The following KCNT2 variants were observed in gnomAD, a reference collection of about 807,000 sequenced individuals.
The protein encoded by KCNT2 is potassium sodium-activated channel subfamily T member 2.
KCNT2 carries 67 observed loss-of-function variants against 153.8 expected under a neutral mutation model. The ratio of observed to expected loss-of-function variants is 0.44; its 90% CI spans 0.36 to 0.53. The LOEUF (loss-of-function observed/expected upper bound fraction) is 0.53. KCNT2 is among the 20% of genes least tolerant of loss of function. The pLI, the probability that KCNT2 is intolerant of heterozygous loss-of-function variation, is 0.00. For missense variants in KCNT2, 975 were observed against 1,354.8 expected, an observed-to-expected ratio of 0.72 and a Z score of 4.40; for synonymous variants, 500 against 458.8, an observed-to-expected ratio of 1.09 and a Z score of -1.15.
intron 14 of KCNT2, among the ~76,000 whole-genome samples, chr1:196,358,083 TTTCTCTAACCTCTCTTGGTGGAGC>T (rs1189958896): frequency 2.0e-5 from 3 of 151,696 alleles, no homozygotes; most frequent in Non-Finnish European, 4.4e-5. Flanking sequence ...TAACTATCAT[TTTCTCTAACCTCTCTTGGTGGAGC>T]TGCTACCAAA....
In KCNT2 at chr1:196,413,912, C is replaced by A. The variant is rs532282674; in HGVS notation, c.1185+9138G>T. On this transcript the variant is annotated intron_variant, in intron 12 of 27. Transcript: ENST00000294725. ...TCCAATCAGAAAAATATACACAGAC[C>A]AATTCTAGGATTGTCAGTGTTTGCC... 3.3e-5 allele frequency among the ~76,000 whole-genome samples: 5 copies of A among 151,466 alleles called. No homozygotes were observed. The East Asian group carries it at 9.7e-4, about 29-fold the overall frequency.
At chr1:196,382,408 G>T (rs546531312) in intron 13 of KCNT2, among the ~76,000 whole-genome samples, 1 of 151,930 alleles carries the variant, frequency 6.6e-6, no homozygotes, top group Non-Finnish European at 1.5e-5. Context: ...CGCCCGGCCT[G>T]TTTAACCAAA....
chr1:196,503,282 G>T (rs559519564), intron 1 of KCNT2, among the ~76,000 whole-genome samples: 1 of 151,722 alleles, frequency 6.6e-6, no homozygotes, highest in African/African-American at 2.4e-5. Context: ...ATATAATTAC[G>T]TACCTAAGTA....
At chr1:196,428,413 AC>A in intron 9 of KCNT2, 144 bp from the exon 10 acceptor site, 1 of 625,260 alleles carries the variant, frequency 1.6e-6, no homozygotes, top group South Asian at 2.1e-5. Flanking sequence ...CCCTTCAACG[AC>A]AGACTTTTCA....
chr1:196,290,293 T>C (rs1660067370), intron 22 of KCNT2, among the ~76,000 whole-genome samples: 5 of 152,096 alleles, frequency 3.3e-5, no homozygotes. Flanking sequence ...TCTGGAGCTC[T>C]GTCTTTTCAC....
chr1:196,440,654 G>A (rs1675143966), intron 8 of KCNT2, among the ~76,000 whole-genome samples: 1 of 151,802 alleles, frequency 6.6e-6, no homozygotes, highest in African/African-American at 2.4e-5. Flanking sequence ...CACAGCCCTG[G>A]AGTAACTGTT....
chr1:196,384,565 T>C (rs1018908756), intron 13 of KCNT2, among the ~76,000 whole-genome samples: 2 of 151,934 alleles, frequency 1.3e-5, no homozygotes, highest in Non-Finnish European at 2.9e-5. Flanking sequence ...GGCATGGTGG[T>C]GCACGCTAAT....
chr1:196,586,561 G>A (rs1662706758), intron 1 of KCNT2, among the ~76,000 whole-genome samples: 1 of 151,916 alleles, frequency 6.6e-6, no homozygotes, highest in African/African-American at 2.4e-5. Context: ...AAGAGTACCT[G>A]ATTTATCATT....
At chr1:196,509,562 G>A (rs1202666570) in intron 1 of KCNT2, among the ~76,000 whole-genome samples, 1 of 152,138 alleles carries the variant, frequency 6.6e-6, no homozygotes, top group African/African-American at 2.4e-5. Flanking sequence ...ATACATATCT[G>A]TTAAGCTATA....
chr1:196,410,699 T>C (rs910500814), intron 12 of KCNT2, among the ~76,000 whole-genome samples: 1 of 123,670 alleles, frequency 8.1e-6, no homozygotes, highest in Non-Finnish European at 1.7e-5. Flanking sequence ...ATAAAATCTG[T>C]GCTCAGTGCT....
intron 3 of KCNT2, 41 bp downstream of exon 3, chr1:196,489,788 CTCAAAATAA>C: frequency 9.9e-7 from 1 of 1,012,960 alleles, no homozygotes; most frequent in Non-Finnish European, 1.5e-6. Context: ...TGTGATACAA[CTCAAAATAA>C]TCAAAATAAT....
At chr1:196,499,369 A>G (rs1250216864) in intron 1 of KCNT2, among the ~76,000 whole-genome samples, 1 of 152,268 alleles carries the variant, frequency 6.6e-6, no homozygotes, top group Non-Finnish European at 1.5e-5. Context: ...TACCACGTTC[A>G]TTCATTAGAA....
Position 196,315,948 on chromosome 1 carries a change from G to A in KCNT2, c.2427C>T (p.Ala809=), listed in dbSNP as rs1351563539. 13 of 1,609,856 alleles carry A rather than the reference G, an allele frequency of 8.1e-6. No homozygotes were observed. The highest frequency in any genetic ancestry group is 6.7e-5 in the Admixed American group (4 of 59,648). ...VVVDKESTMS[A]EEDYMADAKT... The stretch of plus-strand genomic sequence containing the variant: ...TGGCATCTGCCATGTAGTCTTCCTC[G>A]GCACTCATGGTGCTCTCTTTATCCA... The change falls in exon 21 of 28, where the codon GCC becomes GCT. Residue 809 remains alanine, a synonymous_variant. Transcript: ENST00000294725.
intron 21 of KCNT2, among the ~76,000 whole-genome samples, chr1:196,305,973 C>T (rs1227961176): frequency 6.6e-6 from 1 of 151,976 alleles, no homozygotes; most frequent in Non-Finnish European, 1.5e-5. Context: ...CCATTTGACA[C>T]TCTCTCAAAT....
chr1:196,282,182 C>G (rs1659174967), intron 24 of KCNT2, 91 bp downstream of exon 24: 1 of 566,844 alleles, frequency 1.8e-6, no homozygotes, highest in Non-Finnish European at 3.1e-6. Flanking sequence ...AAAAATAACA[C>G]ATGACATAGA....
intron 1 of KCNT2, among the ~76,000 whole-genome samples, chr1:196,503,070 T>C (rs1680829191): frequency 6.6e-6 from 1 of 151,726 alleles, no homozygotes; most frequent in African/African-American, 2.4e-5. Context: ...ATTAAATGTG[T>C]AATAAAGAGC....
intron 19 of KCNT2, among the ~76,000 whole-genome samples, chr1:196,321,030 G>A (rs926457262): frequency 6.7e-6 from 1 of 148,496 alleles, no homozygotes; most frequent in Non-Finnish European, 1.5e-5. Context: ...AAACATTTAT[G>A]GAAGGGATAT....
chr1:196,568,684 C>T (rs1660412161), intron 1 of KCNT2, among the ~76,000 whole-genome samples: 1 of 151,680 alleles, frequency 6.6e-6, no homozygotes, highest in South Asian at 2.1e-4. Context: ...TCTGGCAACT[C>T]ACCTCCTGCT....
At position 196,462,549 on chromosome 1, in the gene KCNT2, G is replaced by A. The variant is rs1242031567; in HGVS notation, c.638+2744C>T. ...TATTTTTAAGTAATTTAGTTTTTGT[G>A]GACTCACATGAGAATTTAATCATCT... On this transcript the variant is annotated intron_variant, in intron 8 of 27. Coordinates refer to ENST00000294725, the MANE Select transcript of KCNT2 (RefSeq NM_198503.5). 7.9e-5 allele frequency among the ~76,000 whole-genome samples: 12 copies of A among 151,384 alleles called. No individual in the cohort carries two copies. In the South Asian group the frequency reaches 8.3e-4, roughly 10 times the overall value.
Sources: allele counts gnomAD v4.1 joint callset (sites outside exome capture counted in the v4.1 genomes callset), GRCh38; gene constraint gnomAD v4.1.1; transcripts MANE v1.5; gene names NCBI Gene and HGNC (gene_info 2026-07-23, HGNC 2026-07-21).